CDKAL1: variants seen among roughly 807,000 people sequenced by gnomAD.
CDKAL1 encodes the protein CDKAL1 threonylcarbamoyladenosine tRNA methylthiotransferase, also known as threonylcarbamoyladenosine tRNA methylthiotransferase.
CDKAL1 carries 32 observed loss-of-function variants against 68.2 expected under a neutral mutation model. The ratio of observed to expected loss-of-function variants is 0.47; its 90% CI spans 0.35 to 0.63. The LOEUF is 0.63. Ranked by LOEUF, CDKAL1 falls within the 30% of genes least tolerant of loss-of-function variation. The pLI is 0.00. For missense variants in CDKAL1, 606 were observed against 696.7 expected, an observed-to-expected ratio of 0.87 and a Z score of 1.47; for synonymous variants, 234 against 244.3, an observed-to-expected ratio of 0.96 and a Z score of 0.39.
At chr6:21,082,056 CT>C (rs1772435385) in intron 12 of CDKAL1, among the ~76,000 whole-genome samples, 1 of 148,462 alleles carries the variant, frequency 6.7e-6, no homozygotes. Flanking sequence ...ACATGAAACT[CT>C]TTTAAAACTC....
intron 11 of CDKAL1, among the ~76,000 whole-genome samples, chr6:21,037,006 C>G (rs1385840451): frequency 6.6e-6 from 1 of 152,156 alleles, no homozygotes; most frequent in Non-Finnish European, 1.5e-5. Flanking sequence ...ATTTGCTCAT[C>G]ATTGATAAAG....
intron 13 of CDKAL1, among the ~76,000 whole-genome samples, chr6:21,125,334 G>T (rs1241531828): frequency 6.6e-6 from 1 of 152,104 alleles, no homozygotes; most frequent in Non-Finnish European, 1.5e-5. Flanking sequence ...ATGATCATAA[G>T]TTCCCTGAGG....
At chr6:20,565,407 A>G (rs2127672389) in intron 4 of CDKAL1, among the ~76,000 whole-genome samples, 1 of 152,230 alleles carries the variant, frequency 6.6e-6, no homozygotes, top group Middle Eastern at 3.4e-3. Context: ...CTTGGAAAGA[A>G]AGTTTACATT....
chr6:21,085,865 C>G (rs898098199), intron 12 of CDKAL1, among the ~76,000 whole-genome samples: 2 of 152,106 alleles, frequency 1.3e-5, no homozygotes, highest in African/African-American at 4.8e-5. Flanking sequence ...TAAAAATATG[C>G]TAATTGCATC....
At chr6:21,098,094 C>G (rs1418440401) in intron 12 of CDKAL1, among the ~76,000 whole-genome samples, 1 of 152,174 alleles carries the variant, frequency 6.6e-6, no homozygotes, top group Non-Finnish European at 1.5e-5. Context: ...AGTATGGTGC[C>G]TGCACAATGG....
At chr6:20,765,824 G>A (rs1454390291) in intron 7 of CDKAL1, among the ~76,000 whole-genome samples, 1 of 152,104 alleles carries the variant, frequency 6.6e-6, no homozygotes. Context: ...CTGTATTTCT[G>A]TAACTTTATA....
At chr6:20,795,462 T>C (rs1394672960) in intron 8 of CDKAL1, among the ~76,000 whole-genome samples, 1 of 152,154 alleles carries the variant, frequency 6.6e-6, no homozygotes, top group Non-Finnish European at 1.5e-5. Flanking sequence ...CTTGAGAGAA[T>C]TAAAAAGTAG....
At chr6:21,187,126 A>G (rs1178879760) in intron 13 of CDKAL1, among the ~76,000 whole-genome samples, 1 of 152,216 alleles carries the variant, frequency 6.6e-6, no homozygotes, top group Non-Finnish European at 1.5e-5. Flanking sequence ...ATCTCAATTG[A>G]GATTCGCCAC....
At chr6:21,000,723 C>A (rs73379541) in intron 11 of CDKAL1, among the ~76,000 whole-genome samples, 1,612 of 152,274 alleles carry the variant, frequency 0.011, 26 homozygotes, top group African/African-American at 0.036. Flanking sequence ...AAGTTATGAG[C>A]TGGTTTTGAC....
At chr6:20,753,982 T>A (rs1194976910) in intron 6 of CDKAL1, among the ~76,000 whole-genome samples, 3 of 151,876 alleles carry the variant, frequency 2.0e-5, no homozygotes, top group Non-Finnish European at 4.4e-5. Context: ...TGTGTGTGTG[T>A]GTGTGTGTAT....
chr6:20,793,167 C>T (rs1246556297), intron 8 of CDKAL1, among the ~76,000 whole-genome samples: 3 of 150,942 alleles, frequency 2.0e-5, no homozygotes, highest in Non-Finnish European at 4.4e-5. Flanking sequence ...GTGCTTACTC[C>T]TAAAATTAAC....
intron 4 of CDKAL1, chr6:20,559,489 T>C (rs550124447): frequency 6.6e-6 from 1 of 152,292 alleles, no homozygotes; most frequent in South Asian, 2.1e-4. Flanking sequence ...GTGGGAGAAG[T>C]TAATCTTTTT....
intron 9 of CDKAL1, among the ~76,000 whole-genome samples, chr6:20,911,767 C>T (rs1202650981): frequency 6.6e-6 from 1 of 152,206 alleles, no homozygotes; most frequent in Non-Finnish European, 1.5e-5. Flanking sequence ...TCTTCCCCAA[C>T]CTCTGAGATT....
intron 7 of CDKAL1, among the ~76,000 whole-genome samples, chr6:20,769,117 C>T (rs1347396922): frequency 6.6e-6 from 1 of 152,164 alleles, no homozygotes; most frequent in Non-Finnish European, 1.5e-5. Context: ...TGTACGGTTC[C>T]AGGTTCATTA....
intron 8 of CDKAL1, among the ~76,000 whole-genome samples, chr6:20,785,313 TC>T (rs1335024165): frequency 1.7e-4 from 21 of 124,998 alleles, no homozygotes; most frequent in Non-Finnish European, 3.2e-4. Flanking sequence ...GATTTCTTTT[TC>T]TTTTTTTTTT....
chr6:20,818,855 C>T (rs192982938), intron 8 of CDKAL1, among the ~76,000 whole-genome samples: 143 of 151,832 alleles, frequency 9.4e-4, no homozygotes, highest in Non-Finnish European at 1.3e-3. Flanking sequence ...TCATTGTTCA[C>T]CCTCTTATGG....
In CDKAL1 at chr6:20,785,401, C is replaced by G. The variant is rs59582234; in HGVS notation, c.638+4136C>G. 8.5e-3 allele frequency among the ~76,000 whole-genome samples: 1,281 copies of G among 151,220 alleles called. 13 individuals carry two copies. The highest frequency in any genetic ancestry group is 0.029 in the African/African-American group (1,175 of 41,132). On this transcript the variant is annotated intron_variant, in intron 8 of 15. Coordinates refer to ENST00000274695, the MANE Select transcript of CDKAL1 (RefSeq NM_017774.3). The stretch of plus-strand genomic sequence containing the variant: ...CACGATCTTGGCTCACTGCAACCTC[C>G]GCCTCCTGGGTTCAATTGATTCTTC...
chr6:20,612,115 T>C (rs960405419), intron 4 of CDKAL1, among the ~76,000 whole-genome samples: 1 of 152,218 alleles, frequency 6.6e-6, no homozygotes, highest in East Asian at 1.9e-4. Context: ...AGCATTCCAT[T>C]GTATATATGT....
At chr6:20,841,767 T>C (rs531448804) in intron 8 of CDKAL1, among the ~76,000 whole-genome samples, 1 of 152,152 alleles carries the variant, frequency 6.6e-6, no homozygotes, top group Non-Finnish European at 1.5e-5. Context: ...ATAAAAATAA[T>C]AAAAAATAAA....
Sources: gnomAD v4.1 joint callset for allele counts (sites outside exome capture counted in the v4.1 genomes callset) on GRCh38, gnomAD v4.1.1 for gene constraint, MANE v1.5 for transcripts, NCBI Gene and HGNC (gene_info 2026-07-23, HGNC 2026-07-21) for gene names.